Variants in LTB4R observed in about 807,000 individuals in gnomAD.
LTB4R encodes the protein leukotriene B4 receptor 1.
For missense variants in LTB4R, 470 were observed against 485.6 expected, an observed-to-expected ratio of 0.97 and a Z score of 0.30; for synonymous variants, 250 against 230.7, an observed-to-expected ratio of 1.08 and a Z score of -0.76.
At position 24,316,735 on chromosome 14, in the gene LTB4R, C is replaced by T. The variant is rs763877140; in HGVS notation, c.*25C>T. The T allele has an allele frequency of 1.3e-6, 2 of 1,485,288 alleles. No homozygotes were observed. Among genetic ancestry groups the T allele is most frequent in the Admixed American group, 2.4e-5 (1 of 41,654 alleles). 92.0% of individuals were successfully genotyped at this position (1,485,288 alleles called of 1,614,324 possible). On this transcript the variant is annotated 3_prime_UTR_variant, in exon 2 of 2. Transcript: ENST00000345363. ...GGCCTGGTGGAAGGAGGCGCACTTT[C>T]CTCCTGGCAGAATGCTAGCTCTGAG... is the stretch of plus-strand genomic sequence containing the variant.
rs2041781262 is a variant in LTB4R at position 24,316,859 on chromosome 14, G to A, written c.*149G>A. On this transcript the variant is annotated 3_prime_UTR_variant, in exon 2 of 2. Transcript: ENST00000345363. ...GAGTGGAAGAAGAGGGAGAGGTGGA[G>A]CAAAGTGAGGGCCGAGTGAGAGCGT... 14 of 588,124 alleles carry A rather than the reference G, an allele frequency of 2.4e-5. No individual in the cohort carries two copies. The South Asian group carries it at 3.5e-4, about 15-fold the overall frequency. The allele number at this position is 588,124 out of a possible 1,614,324, so 36.4% of individuals were successfully genotyped here.
chr14:24,315,675 AC>A lies in LTB4R; in HGVS notation c.30del (p.Ser11HisfsTer2). 8.1e-6 allele frequency: 13 copies of A among 1,613,278 alleles called. No homozygotes were observed. Among genetic ancestry groups the A allele is most frequent in the Non-Finnish European group, 1.0e-5 (12 of 1,179,754 alleles). ...CCATGAACACTACATCTTCTGCAGC[AC>A]CCCCCTCACTAGGTGTAGAGTTCAT... MNTTSSAA[P>X]PSLGVEFISL... is the part of the protein sequence containing the mutation. On this transcript the variant is annotated frameshift_variant, in exon 2 of 2. Transcript: ENST00000345363. LOFTEE classifies it low-confidence loss of function (END_TRUNC).
In LTB4R at chr14:24,315,748, C is replaced by T. The variant is rs948323458; in HGVS notation, c.97C>T (p.Leu33Phe). ...GCTGTCAGTGGCGCTGGCTGTGGGGCTTCCCGGCAACAGCTTTGTGGTGTG... is the reference window on the plus strand; with the variant it reads ...GCTGTCAGTGGCGCTGGCTGTGGGGTTTCCCGGCAACAGCTTTGTGGTGTG... ...ILLSVALAVGLPGNSFVVWSI... is the reference protein window; with the variant it reads ...ILLSVALAVGFPGNSFVVWSI... The change falls in exon 2 of 2, where the codon CTT (leucine) becomes TTT (phenylalanine). Residue 33 changes from leucine (L) to phenylalanine (F), a missense_variant. Coordinates refer to ENST00000345363, the MANE Select transcript of LTB4R (RefSeq NM_001143919.3). 6.2e-7 allele frequency: 1 copy of T among 1,614,208 alleles called. No homozygotes were observed. Among genetic ancestry groups the T allele is most frequent in the African/African-American group, 1.3e-5 (1 of 75,048 alleles).
At position 24,311,546 on chromosome 14, in the gene LTB4R, TCTG is replaced by T. The variant is rs1156864700; in HGVS notation, c.-269_-267del. ...TGCTCTACGTCTTCACCGCTGGAGATCTGCTGCCCCGGGCAGGTCCCCGTTTCC... is the reference window on the plus strand; with the variant it reads ...TGCTCTACGTCTTCACCGCTGGAGATCTGCCCCGGGCAGGTCCCCGTTTCC... On this transcript the variant is annotated 5_prime_UTR_variant, in exon 1 of 2. Transcript: ENST00000345363. The T allele has an allele frequency of 1.0e-5, 16 of 1,606,950 alleles. No homozygotes were observed. In the East Asian group the frequency reaches 2.2e-4, roughly 22 times the overall value.
In LTB4R at chr14:24,317,321, C is replaced by T. The variant is rs1180130987; in HGVS notation, c.*611C>T. ...CAACTTCCTGCCAATAATCTTTGTC[C>T]TCTCCATAGGAGATGTTCTAGGGGA... On this transcript the variant is annotated 3_prime_UTR_variant, in exon 2 of 2. Coordinates refer to ENST00000345363, the MANE Select transcript of LTB4R (RefSeq NM_001143919.3). 1.2e-5 allele frequency: 2 copies of T among 167,118 alleles called. No individual in the cohort carries two copies. The highest frequency in any genetic ancestry group is 4.8e-5 in the African/African-American group (2 of 41,446). The allele number at this position is 167,118 out of a possible 1,614,324, so 10.4% of individuals were successfully genotyped here.
rs549333517 is a variant in LTB4R at position 24,316,393 on chromosome 14, G to A, written c.742G>A (p.Ala248Thr). 2 of 1,584,580 alleles carry A rather than the reference G, an allele frequency of 1.3e-6. No individual in the cohort carries two copies. Among genetic ancestry groups the A allele is most frequent in the East Asian group, 4.5e-5 (2 of 44,028 alleles). Residue 248 changes from alanine (A) to threonine (T), a missense_variant, in exon 2 of 2, where the codon GCG becomes ACG. Ala to Thr is a moderately conservative substitution (Grantham distance 58, BLOSUM62 0). Coordinates refer to ENST00000345363, the MANE Select transcript of LTB4R (RefSeq NM_001143919.3). ...HVVNLAEAGR[A>T]LAGQAAGLGL... is the part of the protein sequence containing the mutation. ...GGTGAACCTGGCTGAGGCGGGCCGC[G>A]CGCTGGCCGGCCAGGCCGCCGGGTT... is the stretch of plus-strand genomic sequence containing the variant.
At position 24,316,629 on chromosome 14, in the gene LTB4R, GAGCGGCCCCGCC is replaced by G; in HGVS notation, c.979_990del (p.Ser327_Ala330del). On this transcript the variant is annotated inframe_deletion, in exon 2 of 2. Transcript: ENST00000345363. Reference sequence around the variant, plus strand: ...GGGGCAGCCTGGGCCAGACCGCTAGGAGCGGCCCCGCCGCTCTGGAGCCCGGCCCTTCCGAGA... The same window carrying G: ...GGGGCAGCCTGGGCCAGACCGCTAGGGCTCTGGAGCCCGGCCCTTCCGAGA... The G allele has an allele frequency of 6.6e-7, 1 of 1,516,536 alleles. No homozygotes were observed. The highest frequency in any genetic ancestry group is 8.8e-7 in the Non-Finnish European group (1 of 1,133,936). 93.9% of individuals were successfully genotyped at this position (1,516,536 alleles called of 1,614,324 possible). A position where few individuals can be genotyped will look rare whatever the true frequency, so the allele number is the denominator to read the frequency against.
Position 24,316,539 on chromosome 14 carries a change from G to T in LTB4R, c.888G>T (p.Ala296=). 6.9e-7 allele frequency: 1 copy of T among 1,443,322 alleles called. No individual in the cohort carries two copies. Among genetic ancestry groups the T allele is most frequent in the South Asian group, 1.4e-5 (1 of 69,972 alleles). The allele number at this position is 1,443,322 out of a possible 1,614,324, so 89.4% of individuals were successfully genotyped here. A position where few individuals can be genotyped will look rare whatever the true frequency, so the allele number is the denominator to read the frequency against. ...ACAGGGLLRS[A]GVGFVAKLLE... is the part of the protein sequence containing the mutation. ...CCGGCGGCGGCCTGCTGCGCTCGGC[G>T]GGCGTGGGCTTCGTCGCCAAGCTGC... is the stretch of plus-strand genomic sequence containing the variant. Residue 296 remains alanine (A), a synonymous_variant, in exon 2 of 2, where the codon GCG becomes GCT. Coordinates refer to ENST00000345363, the MANE Select transcript of LTB4R (RefSeq NM_001143919.3).
intron 1 of LTB4R, among the ~76,000 whole-genome samples, chr14:24,312,507 G>A (rs1018626699): frequency 6.6e-6 from 1 of 152,214 alleles, no homozygotes; most frequent in African/African-American, 2.4e-5. Flanking sequence ...GTGAAAAGGA[G>A]CCAGGAGCAA....
rs1433851595 is a variant in LTB4R, at chr14:24,316,003, G to T, written c.352G>T (p.Ala118Ser). Residue 118 changes from alanine to serine, a missense_variant, in exon 2 of 2, where the codon GCG (alanine) becomes TCG (serine). Transcript: ENST00000345363. ...GGCCATGAGTCTAGACCGCTCACTGGCGGTGGCCCGCCCCTTTGTGTCCCA... is the reference window on the plus strand; with the variant it reads ...GGCCATGAGTCTAGACCGCTCACTGTCGGTGGCCCGCCCCTTTGTGTCCCA... ...ITAMSLDRSL[A>S]VARPFVSQKL... 1 of 1,613,888 alleles carries T rather than the reference G, an allele frequency of 6.2e-7. No homozygotes were observed. Among genetic ancestry groups the T allele is most frequent in the Non-Finnish European group, 8.5e-7 (1 of 1,180,026 alleles).
chr14:24,316,852 A>C lies in LTB4R; in HGVS notation c.*142A>C, dbSNP rs908735251. The C allele has an allele frequency of 1.5e-5, 10 of 656,084 alleles. No individual in the cohort carries two copies. Among genetic ancestry groups the C allele is most frequent in the Non-Finnish European group, 2.4e-5 (10 of 417,864 alleles). The allele number at this position is 656,084 out of a possible 1,614,324, so 40.6% of individuals were successfully genotyped here. A position where few individuals can be genotyped will look rare whatever the true frequency, so the allele number is the denominator to read the frequency against. Reference sequence around the variant, plus strand: ...GGGAGTGGAGTGGAAGAAGAGGGAGAGGTGGAGCAAAGTGAGGGCCGAGTG... The same window carrying C: ...GGGAGTGGAGTGGAAGAAGAGGGAGCGGTGGAGCAAAGTGAGGGCCGAGTG... On this transcript the variant is annotated 3_prime_UTR_variant, in exon 2 of 2. Transcript: ENST00000345363.
chr14:24,311,525 C>CT lies in LTB4R; in HGVS notation c.-294dup. 6.2e-7 allele frequency: 1 copy of CT among 1,604,140 alleles called. No homozygotes were observed. The highest frequency in any genetic ancestry group is 8.5e-7 in the Non-Finnish European group (1 of 1,179,992). On this transcript the variant is annotated 5_prime_UTR_variant, in exon 1 of 2. Coordinates refer to ENST00000345363, the MANE Select transcript of LTB4R (RefSeq NM_001143919.3). Reference sequence around the variant, plus strand: ...TCAGTTCTAGCGTCAACCCGGTGCTCTACGTCTTCACCGCTGGAGATCTGC... The same window carrying CT: ...TCAGTTCTAGCGTCAACCCGGTGCTCTTACGTCTTCACCGCTGGAGATCTGC...
rs1172945829 is a variant in LTB4R at position 24,315,950 on chromosome 14, G to C, written c.299G>C (p.Ser100Thr). The C allele has an allele frequency of 6.2e-7, 1 of 1,614,088 alleles. No individual in the cohort carries two copies. The highest frequency in any genetic ancestry group is 8.5e-7 in the Non-Finnish European group (1 of 1,180,048). ...CTGTGTCACTATGTCTGCGGAGTCAGCATGTACGCCAGCGTCCTGCTTATC... is the reference window on the plus strand; with the variant it reads ...CTGTGTCACTATGTCTGCGGAGTCACCATGTACGCCAGCGTCCTGCTTATC... ...CRLCHYVCGV[S>T]MYASVLLITA... The change falls in exon 2 of 2, where the codon AGC (serine) becomes ACC (threonine). Residue 100 changes from serine to threonine, a missense_variant. By Grantham distance (58) the Ser-to-Thr change is moderately conservative (BLOSUM62 1). Coordinates refer to ENST00000345363, the MANE Select transcript of LTB4R (RefSeq NM_001143919.3).
Position 24,316,833 on chromosome 14 carries a change from G to A in LTB4R, c.*123G>A. 1 of 791,004 alleles carries A rather than the reference G, an allele frequency of 1.3e-6. No individual in the cohort carries two copies. The highest frequency in any genetic ancestry group is 1.9e-6 in the Non-Finnish European group (1 of 539,964). 49.0% of individuals were successfully genotyped at this position (791,004 alleles called of 1,614,324 possible). ...GCGTGGGAGCGTGGGAGGCGGGAGT[G>A]GAGTGGAAGAAGAGGGAGAGGTGGA... On this transcript the variant is annotated 3_prime_UTR_variant, in exon 2 of 2. Coordinates refer to ENST00000345363, the MANE Select transcript of LTB4R (RefSeq NM_001143919.3).
rs1214107055 is a variant in LTB4R, at chr14:24,315,900, G to A, written c.249G>A (p.Trp83Ter). 1 of 1,614,066 alleles carries A rather than the reference G, an allele frequency of 6.2e-7. No individual in the cohort carries two copies. The highest frequency in any genetic ancestry group is 8.5e-7 in the Non-Finnish European group (1 of 1,180,056). ...FFLHFLAQGT[W>*]SFGLAGCRLC... ...TTCACTTCCTGGCCCAAGGCACCTGGAGTTTTGGACTGGCTGGTTGCCGCC... is the reference window on the plus strand; with the variant it reads ...TTCACTTCCTGGCCCAAGGCACCTGAAGTTTTGGACTGGCTGGTTGCCGCC... The change falls in exon 2 of 2, where the codon TGG becomes TGA. Residue 83 changes from tryptophan (W) to a stop codon, truncating the protein, a stop_gained. Coordinates refer to ENST00000345363, the MANE Select transcript of LTB4R (RefSeq NM_001143919.3). LOFTEE classifies it low-confidence loss of function (END_TRUNC).
At position 24,311,675 on chromosome 14, in the gene LTB4R, G is replaced by A; in HGVS notation, c.-145G>A. The A allele has an allele frequency of 6.2e-7, 1 of 1,611,266 alleles. No individual in the cohort carries two copies. Among genetic ancestry groups the A allele is most frequent in the Admixed American group, 1.7e-5 (1 of 59,846 alleles). On this transcript the variant is annotated 5_prime_UTR_variant, in exon 1 of 2. Transcript: ENST00000345363. ...CTACCCCTCAGCTGAAAGTGGTGGG[G>A]CAGGGCCGCGGCAATGGAGACCCGG...
In LTB4R at chr14:24,316,012, C is replaced by G. The variant is rs200787982; in HGVS notation, c.361C>G (p.Arg121Gly). Residue 121 changes from arginine to glycine, a missense_variant, in exon 2 of 2, where the codon CGC becomes GGC. Coordinates refer to ENST00000345363, the MANE Select transcript of LTB4R (RefSeq NM_001143919.3). ...TCTAGACCGCTCACTGGCGGTGGCC[C>G]GCCCCTTTGTGTCCCAGAAGCTACG... ...MSLDRSLAVA[R>G]PFVSQKLRTK... 1.2e-6 allele frequency: 2 copies of G among 1,613,856 alleles called. No individual in the cohort carries two copies. Among genetic ancestry groups the G allele is most frequent in the East Asian group, 2.2e-5 (1 of 44,890 alleles).
rs2041787535 is a variant in LTB4R, at chr14:24,317,511, G to A, written c.*801G>A. On this transcript the variant is annotated 3_prime_UTR_variant, in exon 2 of 2. Transcript: ENST00000345363. ...AAACAAAGATTCCCAAAAGTGAGAG[G>A]GATGAGTCATTATTTCCTAGAGATG... The A allele has an allele frequency of 6.0e-6, 1 of 167,014 alleles. No individual in the cohort carries two copies. Among genetic ancestry groups the A allele is most frequent in the African/African-American group, 2.4e-5 (1 of 41,416 alleles). The allele number at this position is 167,014 out of a possible 1,614,324, so 10.3% of individuals were successfully genotyped here.
At chr14:24,311,903 A>G in intron 1 of LTB4R, 99 bp downstream of exon 1, 3 of 662,642 alleles carry the variant, frequency 4.5e-6, no homozygotes, top group East Asian at 2.8e-5. Context: ...GGCTCCTCCA[A>G]ACTGAGGGAT....
Sources: allele counts gnomAD v4.1 joint callset (sites outside exome capture counted in the v4.1 genomes callset), GRCh38; gene constraint gnomAD v4.1.1; transcripts MANE v1.5; gene names NCBI Gene and HGNC (gene_info 2026-07-23, HGNC 2026-07-21).